LRP1B: variants seen among roughly 807,000 people sequenced by gnomAD.
LRP1B encodes LDL receptor related protein 1B.
Under a neutral mutation model 556.6 loss-of-function variants are expected in LRP1B, and 217 were observed. That is an observed-to-expected ratio of 0.39 (90% CI 0.35 to 0.44). LRP1B has a LOEUF of 0.44. Among genes scored for constraint, LRP1B ranks in the 20% least tolerant of loss-of-function variants. LRP1B has a pLI of 1.00. For missense variants in LRP1B, 5,053 were observed against 5,620.8 expected, an observed-to-expected ratio of 0.90 and a Z score of 3.23; for synonymous variants, 2,047 against 1,865.8, an observed-to-expected ratio of 1.10 and a Z score of -2.50.
At chr2:142,020,945 G>C (rs1453550494) in intron 1 of LRP1B, among the ~76,000 whole-genome samples, 7 of 152,146 alleles carry the variant, frequency 4.6e-5, no homozygotes, top group African/African-American at 1.7e-4. Flanking sequence ...GACACTAATT[G>C]CAAAGTTGCA....
intron 7 of LRP1B, among the ~76,000 whole-genome samples, chr2:141,131,327 C>T (rs1437172851): frequency 6.7e-6 from 1 of 149,478 alleles, no homozygotes; most frequent in Admixed American, 6.7e-5. Context: ...ATACATTCTA[C>T]ACAACAATTT....
At chr2:141,076,009 G>T (rs1699776252) in intron 7 of LRP1B, among the ~76,000 whole-genome samples, 1 of 152,168 alleles carries the variant, frequency 6.6e-6, no homozygotes, top group East Asian at 1.9e-4. Context: ...ATTGTAGAAA[G>T]ATCAAGATTT....
chr2:141,435,706 G>A (rs1680738974), intron 3 of LRP1B, among the ~76,000 whole-genome samples: 1 of 152,190 alleles, frequency 6.6e-6, no homozygotes, highest in Non-Finnish European at 1.5e-5. Flanking sequence ...CTGTCTCATT[G>A]TGGCACTTCT....
chr2:140,342,696 A>G (rs1263582657), intron 77 of LRP1B, among the ~76,000 whole-genome samples: 2 of 151,628 alleles, frequency 1.3e-5, no homozygotes, highest in Non-Finnish European at 3.0e-5. Context: ...TTAGTGCCAC[A>G]GAACAATAGA....
chr2:140,688,038 T>G (rs1220964354), intron 41 of LRP1B, among the ~76,000 whole-genome samples: 1 of 152,146 alleles, frequency 6.6e-6, no homozygotes, highest in Non-Finnish European at 1.5e-5. Context: ...TATTACTTCC[T>G]ATGAAAAATG....
chr2:140,622,787 G>C (rs1683501537), intron 41 of LRP1B, among the ~76,000 whole-genome samples: 1 of 152,178 alleles, frequency 6.6e-6, no homozygotes. Flanking sequence ...AGTGAAGTTT[G>C]ATTGCTTAAT....
At chr2:140,528,596 G>A (rs1201833842) in intron 47 of LRP1B, among the ~76,000 whole-genome samples, 5 of 151,796 alleles carry the variant, frequency 3.3e-5, no homozygotes, top group African/African-American at 1.2e-4. Context: ...GGAACAGATT[G>A]TCCCTTTGTA....
chr2:140,738,860 C>T (rs187796252), intron 35 of LRP1B, among the ~76,000 whole-genome samples: 41 of 152,248 alleles, frequency 2.7e-4, no homozygotes, highest in Admixed American at 2.7e-3. Flanking sequence ...TCAAATAACT[C>T]GAAGTGGTCA....
chr2:140,354,249 T>C (rs1196518753), intron 75 of LRP1B, among the ~76,000 whole-genome samples: 1 of 152,078 alleles, frequency 6.6e-6, no homozygotes, highest in African/African-American at 2.4e-5. Context: ...ACAGTAAGAA[T>C]AACTATCTTT....
rs79887757 is a variant in LRP1B at position 142,064,080 on chromosome 2, A to G, written c.82+66568T>C. On this transcript the variant is annotated intron_variant, in intron 1 of 90. Coordinates refer to ENST00000389484, the MANE Select transcript of LRP1B (RefSeq NM_018557.3). ...CTTTGAAGAAAAATGTTTTCTTTCT[A>G]TGTCTAGTAAATCCAAATTATTATA... Among the ~76,000 whole-genome samples the G allele has an allele frequency of 3.5e-3, 529 of 151,718 alleles. 2 individuals carry two copies. Among genetic ancestry groups the G allele is most frequent in the African/African-American group, 0.012 (482 of 41,500 alleles).
At chr2:140,966,697 C>T (rs4954678) in intron 18 of LRP1B, among the ~76,000 whole-genome samples, 122,238 of 152,116 alleles carry the variant, frequency 0.8, 49,833 homozygotes, top group Non-Finnish European at 0.87. Flanking sequence ...AAGTCTTTAA[C>T]CCCTCTTGAA....
At chr2:141,626,747 G>A (rs1271318810) in intron 2 of LRP1B, among the ~76,000 whole-genome samples, 1 of 152,108 alleles carries the variant, frequency 6.6e-6, no homozygotes, top group Non-Finnish European at 1.5e-5. Flanking sequence ...ACAGTAATAA[G>A]TTGCTACTAA....
At chr2:140,428,144 T>C (rs1281935110) in intron 66 of LRP1B, among the ~76,000 whole-genome samples, 2 of 152,038 alleles carry the variant, frequency 1.3e-5, no homozygotes, top group East Asian at 1.9e-4. Context: ...ATTCTCAATA[T>C]ACATTTTATT....
chr2:140,443,880 G>T (rs1573945124), intron 65 of LRP1B, among the ~76,000 whole-genome samples: 2 of 152,226 alleles, frequency 1.3e-5, no homozygotes, highest in African/African-American at 4.8e-5. Context: ...AGACCATTTT[G>T]CCCAGATTTT....
chr2:141,107,298 C>A (rs1477943484), intron 7 of LRP1B, among the ~76,000 whole-genome samples: 2 of 151,914 alleles, frequency 1.3e-5, no homozygotes, highest in Non-Finnish European at 2.9e-5. Flanking sequence ...ATATAATTTT[C>A]AAAACAGAAA....
chr2:141,315,200 C>T (rs1430882460), intron 3 of LRP1B, among the ~76,000 whole-genome samples: 4 of 138,052 alleles, frequency 2.9e-5, no homozygotes, highest in East Asian at 2.1e-4. Context: ...GAAAAATGAA[C>T]ATAATAAAGT....
intron 20 of LRP1B, among the ~76,000 whole-genome samples, chr2:140,924,263 G>A (rs931597128): frequency 1.2e-4 from 18 of 151,976 alleles, no homozygotes; most frequent in Admixed American, 7.9e-4. Context: ...CACCAAAGCA[G>A]TCACTTACTC....
At chr2:141,165,589 G>A (rs551049105) in intron 7 of LRP1B, among the ~76,000 whole-genome samples, 12 of 151,892 alleles carry the variant, frequency 7.9e-5, no homozygotes, top group Non-Finnish European at 1.8e-4. Context: ...TTTAGGGAAT[G>A]CATCATCATC....
Position 140,598,789 on chromosome 2 carries a change from T to C in LRP1B, c.7036A>G (p.Arg2346Gly), listed in dbSNP as rs1017696602. The change falls in exon 43 of 91, where the codon AGA becomes GGA. Residue 2346 changes from arginine (R) to glycine (G), a missense_variant. Around this residue, in one of 5 missense-constraint regions of LRP1B, gnomAD observed 3,619 missense variants for 3,931.9 expected, o/e 0.92. Coordinates refer to ENST00000389484, the MANE Select transcript of LRP1B (RefSeq NM_018557.3). ...GCATTTTTCCCAGTCAGAGTAGATC[T>C]CATGATACTTGGATGTTGTTCATTC... ...NWNEQHPSIM[R>G]STLTGKNAQV... 4 of 1,611,972 alleles carry C rather than the reference T, an allele frequency of 2.5e-6. No homozygotes were observed. The highest frequency in any genetic ancestry group is 3.4e-6 in the Non-Finnish European group (4 of 1,178,164).
Sources: gnomAD v4.1 joint callset for allele counts (sites outside exome capture counted in the v4.1 genomes callset) on GRCh38, gnomAD v4.1.1 for gene constraint, gnomAD v4.1.1 regional missense constraint, MANE v1.5 for transcripts, NCBI Gene and HGNC (gene_info 2026-07-23, HGNC 2026-07-21) for gene names.